Variants in RUNX1 observed in about 807,000 individuals in gnomAD.
The protein encoded by RUNX1 is runt-related transcription factor 1.
A neutral mutation model predicts 42.8 loss-of-function variants in RUNX1; 19 were observed. The observed-to-expected ratio is 0.44, with a 90% CI of 0.31 to 0.65. The LOEUF is 0.65. Ranked by LOEUF, RUNX1 falls within the 30% of genes least tolerant of loss-of-function variation. The probability of loss-of-function intolerance (pLI) is 0.07; values close to 1 mark genes in which losing one functional copy is unlikely to be tolerated. For missense variants in RUNX1, 528 were observed against 672.0 expected, an observed-to-expected ratio of 0.79 and a Z score of 2.37; for synonymous variants, 271 against 289.4, an observed-to-expected ratio of 0.94 and a Z score of 0.64.
At chr21:34,946,413 G>T (rs1447254304) in intron 2 of RUNX1, among the ~76,000 whole-genome samples, 1 of 152,068 alleles carries the variant, frequency 6.6e-6, no homozygotes, top group East Asian at 1.9e-4. Context: ...TATGCCCCTA[G>T]AGCTGTGTGG....
intron 2 of RUNX1, among the ~76,000 whole-genome samples, chr21:35,043,126 C>T (rs1261267183): frequency 6.6e-6 from 1 of 152,166 alleles, no homozygotes; most frequent in Non-Finnish European, 1.5e-5. Flanking sequence ...GTTTTGTGTT[C>T]AAGAGCCAGC....
At chr21:34,950,476 T>C (rs971882529) in intron 2 of RUNX1, among the ~76,000 whole-genome samples, 1 of 152,172 alleles carries the variant, frequency 6.6e-6, no homozygotes, top group Non-Finnish European at 1.5e-5. Flanking sequence ...CAGTGGCTCA[T>C]GCCTGTAATA....
At chr21:35,014,330 C>A (rs557759919) in intron 2 of RUNX1, among the ~76,000 whole-genome samples, 33 of 152,240 alleles carry the variant, frequency 2.2e-4, no homozygotes, top group African/African-American at 7.9e-4. Flanking sequence ...CTGAATTAAA[C>A]AATGAAACAT....
At chr21:34,869,268 A>T (rs2057704942) in intron 5 of RUNX1, among the ~76,000 whole-genome samples, 1 of 152,172 alleles carries the variant, frequency 6.6e-6, no homozygotes, top group Non-Finnish European at 1.5e-5. Context: ...AGTTACATAC[A>T]CACCATCTCG....
At chr21:35,001,308 TTATATATATA>T (rs3059374) in intron 2 of RUNX1, among the ~76,000 whole-genome samples, 17,799 of 142,424 alleles carry the variant, frequency 0.12, 1,225 homozygotes, top group African/African-American at 0.19. Flanking sequence ...AGTTATGGTT[TTATATATATA>T]TATATATATA....
rs2056400885 is a variant in RUNX1, at chr21:34,788,808, A to G, written c.*3327T>C. On this transcript the variant is annotated 3_prime_UTR_variant, in exon 9 of 9. Coordinates refer to ENST00000675419, the MANE Select transcript of RUNX1 (RefSeq NM_001754.5). ...GTTCAGATGTAAAATATGTTTTGTG[A>G]GATTATTGTCAAACAAATTTTCATG... 4 of 233,512 alleles carry G rather than the reference A, an allele frequency of 1.7e-5. No homozygotes were observed. Among genetic ancestry groups the G allele is most frequent in the South Asian group, 1.8e-4 (1 of 5,538 alleles). 14.5% of individuals were successfully genotyped at this position (233,512 alleles called of 1,614,324 possible). A position where few individuals can be genotyped will look rare whatever the true frequency, so the allele number is the denominator to read the frequency against.
chr21:34,910,193 C>T (rs1443302101), intron 2 of RUNX1, among the ~76,000 whole-genome samples: 1 of 152,208 alleles, frequency 6.6e-6, no homozygotes, highest in East Asian at 1.9e-4. Flanking sequence ...CACCCTTAGC[C>T]TTCTGTTGCA....
chr21:34,917,457 C>T (rs1351649456), intron 2 of RUNX1, among the ~76,000 whole-genome samples: 1 of 152,176 alleles, frequency 6.6e-6, no homozygotes, highest in African/African-American at 2.4e-5. Context: ...TCTGCATTAG[C>T]ATTCTACATC....
rs755600951 is a variant in RUNX1, at chr21:34,795,416, A to C, written c.968-2806T>G. Among the ~76,000 whole-genome samples the C allele has an allele frequency of 7.9e-5, 12 of 152,072 alleles. 1 individual carries two copies. The highest frequency in any genetic ancestry group is 6.5e-5 in the Admixed American group (1 of 15,272). Reference sequence around the variant, plus strand: ...CCTTTTATTGCTCTAACACATTTTTAAAAATGAACTCCTCTGTACCTTTGG... The same window carrying C: ...CCTTTTATTGCTCTAACACATTTTTCAAAATGAACTCCTCTGTACCTTTGG... On this transcript the variant is annotated intron_variant, in intron 8 of 8. Transcript: ENST00000675419.
At chr21:34,961,742 A>T (rs923305682) in intron 2 of RUNX1, among the ~76,000 whole-genome samples, 1 of 152,292 alleles carries the variant, frequency 6.6e-6, no homozygotes, top group East Asian at 1.9e-4. Flanking sequence ...TTGCCAAATA[A>T]ATTTTCCATA....
At chr21:34,832,253 C>T (rs1490168869) in intron 7 of RUNX1, among the ~76,000 whole-genome samples, 1 of 152,140 alleles carries the variant, frequency 6.6e-6, no homozygotes, top group African/African-American at 2.4e-5. Flanking sequence ...TGCTTTTGCC[C>T]AGGAGCTTCA....
chr21:35,024,339 T>C (rs1286857718), intron 2 of RUNX1, among the ~76,000 whole-genome samples: 1 of 152,348 alleles, frequency 6.6e-6, no homozygotes, highest in African/African-American at 2.4e-5. Context: ...TTCTTTGTGA[T>C]TGTGAAGATG....
chr21:34,886,806 T>TC, intron 4 of RUNX1, 37 bp downstream of exon 4: 1 of 1,611,050 alleles, frequency 6.2e-7, no homozygotes, highest in Non-Finnish European at 8.5e-7. Context: ...CTCGCCGGCC[T>TC]CCGCCTGTCC....
At chr21:35,018,239 T>G (rs190109959) in intron 2 of RUNX1, among the ~76,000 whole-genome samples, 1 of 152,296 alleles carries the variant, frequency 6.6e-6, no homozygotes, top group East Asian at 1.9e-4. Context: ...TTGGCCAGAC[T>G]GGTCTCAAAC....
chr21:35,009,488 AT>A (rs1370283760), intron 2 of RUNX1, among the ~76,000 whole-genome samples: 2 of 152,222 alleles, frequency 1.3e-5, no homozygotes, highest in African/African-American at 4.8e-5. Context: ...GGTCAATGCA[AT>A]TTTAGTGTTA....
At chr21:34,840,837 C>G (rs2057223886) in intron 6 of RUNX1, among the ~76,000 whole-genome samples, 1 of 152,158 alleles carries the variant, frequency 6.6e-6, no homozygotes, top group African/African-American at 2.4e-5. Flanking sequence ...TTATGAGTGA[C>G]CTTGGACTTC....
intron 6 of RUNX1, among the ~76,000 whole-genome samples, chr21:34,837,699 G>A (rs566606842): frequency 5.9e-5 from 9 of 152,114 alleles, no homozygotes; most frequent in Non-Finnish European, 8.8e-5. Flanking sequence ...CAGGGAATTC[G>A]ACCCTGGGTC....
Position 34,845,268 on chromosome 21 carries a change from C to G in RUNX1, c.614-10667G>C, listed in dbSNP as rs1012739608. Among the ~76,000 whole-genome samples, 7 of 152,322 alleles carry G rather than the reference C, an allele frequency of 4.6e-5. No individual in the cohort carries two copies. The South Asian group carries it at 8.3e-4, about 18-fold the overall frequency. On this transcript the variant is annotated intron_variant, in intron 6 of 8. Transcript: ENST00000675419. ...TAGTGCCTCCTATTCACCTTGGTGA[C>G]CACATTTGAGCCAGTTAGGAAATGA... is the stretch of plus-strand genomic sequence containing the variant.
chr21:34,898,861 C>T (rs2834660), intron 2 of RUNX1, among the ~76,000 whole-genome samples: 31,104 of 152,136 alleles, frequency 0.2, 3,335 homozygotes, highest in African/African-American at 0.23. Flanking sequence ...TTGCCACTGC[C>T]GCTGGTTCAA....
Sources: gnomAD v4.1 joint callset for allele counts (sites outside exome capture counted in the v4.1 genomes callset) on GRCh38, gnomAD v4.1.1 for gene constraint, MANE v1.5 for transcripts, NCBI Gene and HGNC (gene_info 2026-07-23, HGNC 2026-07-21) for gene names.